DPYD: variants seen among roughly 807,000 people sequenced by gnomAD.
The protein encoded by DPYD is dihydropyrimidine dehydrogenase [NADP(+)].
DPYD carries 109 observed loss-of-function variants against 116.2 expected under a neutral mutation model. That is an observed-to-expected ratio of 0.94 (90% CI 0.80 to 1.10). DPYD has a LOEUF of 1.10. DPYD is among the 50% of genes least tolerant of loss of function. The pLI is 0.00. For synonymous variants in DPYD, 440 were observed against 432.0 expected (o/e 1.02, Z -0.23); for missense variants, 1,302 against 1,254.5 (o/e 1.04, Z -0.57).
At chr1:97,179,070 C>G (rs1441026968) in intron 20 of DPYD, among the ~76,000 whole-genome samples, 1 of 152,118 alleles carries the variant, frequency 6.6e-6, no homozygotes, top group Admixed American at 6.6e-5. Context: ...ATGGAACATC[C>G]AAGGGGCAGG....
chr1:97,788,806 ATTGTTGTTG>A (rs966070304), intron 3 of DPYD, among the ~76,000 whole-genome samples: 4 of 151,788 alleles, frequency 2.6e-5, no homozygotes, highest in African/African-American at 4.8e-5. Context: ...TATTTTTCTT[ATTGTTGTTG>A]TTGTTGTTGT....
At chr1:97,262,941 A>AGTATCCCTAATTCAAGTATAC (rs1557982437) in intron 18 of DPYD, among the ~76,000 whole-genome samples, 5 of 151,982 alleles carry the variant, frequency 3.3e-5, no homozygotes, top group Non-Finnish European at 7.4e-5. Flanking sequence ...TTCAAGTATA[A>AGTATCCCTAATTCAAGTATAC]AGTATCACCT....
At chr1:97,287,141 AACAG>A (rs1164417098) in intron 18 of DPYD, among the ~76,000 whole-genome samples, 1 of 152,110 alleles carries the variant, frequency 6.6e-6, no homozygotes, top group Non-Finnish European at 1.5e-5. Context: ...TTTTCCTTCT[AACAG>A]ACAGGACCCT....
chr1:97,904,710 A>G (rs1324207744), intron 1 of DPYD, among the ~76,000 whole-genome samples: 2 of 151,974 alleles, frequency 1.3e-5, no homozygotes, highest in Non-Finnish European at 2.9e-5. Flanking sequence ...TTTCAAAACC[A>G]CTTCTGGGAA....
At chr1:97,195,970 T>C (rs1017097470) in intron 19 of DPYD, among the ~76,000 whole-genome samples, 2 of 151,830 alleles carry the variant, frequency 1.3e-5, no homozygotes, top group Admixed American at 6.6e-5. Context: ...GCCGGTTTTT[T>C]TGGTAGGTTG....
chr1:97,679,199 T>G lies in DPYD; in HGVS notation c.763-17A>C, dbSNP rs193049012. On this transcript the variant is annotated splice_polypyrimidine_tract_variant and intron_variant, in intron 7 of 22. Coordinates refer to ENST00000370192, the MANE Select transcript of DPYD (RefSeq NM_000110.4). ...GCAAATTATCTATAAGAAACAATAT[T>G]TTGCATAAGAAAATTTGGCATATGA... 5.0e-6 allele frequency: 7 copies of G among 1,413,564 alleles called. No individual in the cohort carries two copies. The highest frequency in any genetic ancestry group is 5.9e-6 in the Non-Finnish European group (6 of 1,017,202). 87.6% of individuals were successfully genotyped at this position (1,413,564 alleles called of 1,614,324 possible).
intron 4 of DPYD, among the ~76,000 whole-genome samples, chr1:97,728,804 C>T (rs192684585): frequency 2.0e-5 from 3 of 152,154 alleles, no homozygotes; most frequent in Admixed American, 6.6e-5. Context: ...ACAGAAAGTA[C>T]ATGCACACAG....
At chr1:97,336,798 C>A (rs1314908299) in intron 16 of DPYD, among the ~76,000 whole-genome samples, 2 of 152,006 alleles carry the variant, frequency 1.3e-5, no homozygotes, top group African/African-American at 4.8e-5. Context: ...GAATCAGGAG[C>A]TAGGAAAGCT....
chr1:97,501,076 G>A (rs546663965), intron 13 of DPYD, among the ~76,000 whole-genome samples: 4 of 151,922 alleles, frequency 2.6e-5, no homozygotes, highest in African/African-American at 4.8e-5. Context: ...ACACAACAGC[G>A]ACCATGTTTC....
chr1:97,786,365 C>T (rs756446105), intron 3 of DPYD, among the ~76,000 whole-genome samples: 6 of 152,140 alleles, frequency 3.9e-5, no homozygotes, highest in Admixed American at 2.0e-4. Context: ...ACATTTGTGA[C>T]GTGTAATTGG....
intron 10 of DPYD, among the ~76,000 whole-genome samples, chr1:97,576,331 A>G (rs1440571792): frequency 1.3e-5 from 2 of 152,180 alleles, no homozygotes; most frequent in African/African-American, 4.8e-5. Flanking sequence ...CTGTAACAGT[A>G]CTGTTTTCTG....
chr1:97,629,173 C>A (rs1657109978), intron 8 of DPYD, among the ~76,000 whole-genome samples: 1 of 152,022 alleles, frequency 6.6e-6, no homozygotes, highest in Non-Finnish European at 1.5e-5. Context: ...ATCGGTCTCA[C>A]TTCTAAATGG....
At chr1:97,348,560 G>GA (rs1224862508) in intron 16 of DPYD, among the ~76,000 whole-genome samples, 2 of 152,170 alleles carry the variant, frequency 1.3e-5, no homozygotes, top group African/African-American at 4.8e-5. Context: ...ATGGAAGGAA[G>GA]AACTATTCCT....
At chr1:97,689,530 A>T (rs1279002684) in intron 7 of DPYD, among the ~76,000 whole-genome samples, 5 of 152,118 alleles carry the variant, frequency 3.3e-5, no homozygotes, top group African/African-American at 7.2e-5. Flanking sequence ...AGGTCATGAA[A>T]GTCAAAATAC....
At position 97,529,044 on chromosome 1, in the gene DPYD, G is replaced by A. The variant is rs377137156; in HGVS notation, c.1525-13103C>T. Among the ~76,000 whole-genome samples the A allele has an allele frequency of 1.1e-4, 17 of 152,222 alleles. No homozygotes were observed. The East Asian group carries it at 2.7e-3, about 24-fold the overall frequency. On this transcript the variant is annotated intron_variant, in intron 12 of 22. Transcript: ENST00000370192. ...ATAAATATACACATCATAGTCACATGTGCCTTCTACCAAACTCTGCCTTTA... is the reference window on the plus strand; with the variant it reads ...ATAAATATACACATCATAGTCACATATGCCTTCTACCAAACTCTGCCTTTA...
intron 16 of DPYD, among the ~76,000 whole-genome samples, chr1:97,341,296 AT>A (rs146335007): frequency 0.063 from 9,664 of 152,238 alleles, 408 homozygotes; most frequent in African/African-American, 0.12. Flanking sequence ...TGTATATTGA[AT>A]TCATACAAAT....
chr1:97,082,146 A>G (rs1229572940), intron 22 of DPYD, among the ~76,000 whole-genome samples, 184 bp downstream of exon 22: 1 of 152,176 alleles, frequency 6.6e-6, no homozygotes, highest in African/African-American at 2.4e-5. Flanking sequence ...AGTAAAAGTT[A>G]CAAGTTTCCT....
rs528921548 is a variant in DPYD, at chr1:97,544,074, C to A, written c.1524+5486G>T. On this transcript the variant is annotated intron_variant, in intron 12 of 22. Coordinates refer to ENST00000370192, the MANE Select transcript of DPYD (RefSeq NM_000110.4). ...CTTTACCTTGAGTGTGAGTAAAAGT[C>A]ATTGAAGGGTTTTAAATGAGCTAAT... 2.6e-3 allele frequency among the ~76,000 whole-genome samples: 394 copies of A among 152,226 alleles called. 2 individuals carry two copies. The highest frequency in any genetic ancestry group is 4.9e-3 in the Non-Finnish European group (336 of 68,010).
chr1:97,672,891 G>T (rs1266695027), intron 8 of DPYD, among the ~76,000 whole-genome samples: 1 of 151,708 alleles, frequency 6.6e-6, no homozygotes, highest in Non-Finnish European at 1.5e-5. Flanking sequence ...TAATATTTGG[G>T]AATCTTCACA....
Sources: allele counts gnomAD v4.1 joint callset (sites outside exome capture counted in the v4.1 genomes callset), GRCh38; gene constraint gnomAD v4.1.1; transcripts MANE v1.5; gene names NCBI Gene and HGNC (gene_info 2026-07-23, HGNC 2026-07-21).